The following STX2 variants were observed in gnomAD, a reference collection of about 807,000 sequenced individuals.
STX2 encodes the protein syntaxin 2.
Under a neutral mutation model 40.6 loss-of-function variants are expected in STX2, and 27 were observed. That is an observed-to-expected ratio of 0.66 (90% CI 0.49 to 0.92). The LOEUF (loss-of-function observed/expected upper bound fraction) is 0.92, where lower values mean the gene tolerates loss of function less well. Among genes scored for constraint, STX2 ranks in the 40% least tolerant of loss-of-function variants. STX2 has a pLI of 0.00. For synonymous variants in STX2, 123 were observed against 119.1 expected, an observed-to-expected ratio of 1.03 and a Z score of -0.22; for missense variants, 328 against 366.1, an observed-to-expected ratio of 0.90 and a Z score of 0.85.
At chr12:130,824,602 C>G (rs76340312) in intron 2 of STX2, among the ~76,000 whole-genome samples, 2,195 of 152,126 alleles carry the variant, frequency 0.014, 63 homozygotes, top group African/African-American at 0.05. Context: ...ATTTTATGTC[C>G]GGGAATAACA....
intron 1 of STX2, among the ~76,000 whole-genome samples, chr12:130,828,837 C>T (rs1374148510): frequency 6.9e-6 from 1 of 145,902 alleles, no homozygotes; most frequent in African/African-American, 2.5e-5. Flanking sequence ...CACTGCACTC[C>T]AGCCTGGGTG....
intron 5 of STX2, among the ~76,000 whole-genome samples, chr12:130,807,353 C>T (rs1158721156): frequency 6.6e-6 from 1 of 152,252 alleles, no homozygotes; most frequent in Non-Finnish European, 1.5e-5. Context: ...AGCCCAAGGT[C>T]ACAGGCTTTT....
chr12:130,793,324 C>G (rs1163274472), intron 10 of STX2, among the ~76,000 whole-genome samples: 1 of 152,176 alleles, frequency 6.6e-6, no homozygotes, highest in Non-Finnish European at 1.5e-5. Context: ...ACGCCCCACT[C>G]TCAGCACCTT....
At chr12:130,833,803 T>G (rs12829600) in intron 1 of STX2, among the ~76,000 whole-genome samples, 1 of 152,210 alleles carries the variant, frequency 6.6e-6, no homozygotes, top group Non-Finnish European at 1.5e-5. Context: ...CAGATTCCAG[T>G]GGCATCTACA....
chr12:130,797,568 T>C (rs994451195), intron 9 of STX2, among the ~76,000 whole-genome samples: 2 of 151,948 alleles, frequency 1.3e-5, no homozygotes, highest in African/African-American at 4.8e-5. Flanking sequence ...CGCCTGGAGG[T>C]GCATCCACAC....
chr12:130,829,186 C>T (rs888454660), intron 1 of STX2, among the ~76,000 whole-genome samples: 2 of 152,182 alleles, frequency 1.3e-5, no homozygotes, highest in African/African-American at 2.4e-5. Context: ...CGGTGCCGAA[C>T]CAGTAGCTGA....
intron 3 of STX2, among the ~76,000 whole-genome samples, chr12:130,816,668 G>A (rs974579206): frequency 6.6e-5 from 10 of 152,014 alleles, no homozygotes; most frequent in East Asian, 3.9e-4. Flanking sequence ...AACAAGGTGC[G>A]AAAATAAATA....
In STX2 at chr12:130,811,659, C is replaced by T. The variant is rs1048907492; in HGVS notation, c.280+1298G>A. Among the ~76,000 whole-genome samples, 16 of 150,668 alleles carry T rather than the reference C, an allele frequency of 1.1e-4. 1 individual carries two copies. The highest frequency in any genetic ancestry group is 3.9e-4 in the African/African-American group (16 of 40,958). ...GGTTCACGCCATTCTCCTGCCTCAG[C>T]CTCCTGAGTAGCTGGGACTACAGGC... On this transcript the variant is annotated intron_variant, in intron 4 of 10. Transcript: ENST00000392373.
At chr12:130,792,595 C>G (rs994282006) in intron 10 of STX2, among the ~76,000 whole-genome samples, 22 of 152,168 alleles carry the variant, frequency 1.4e-4, no homozygotes, top group African/African-American at 5.1e-4. Context: ...TCCCAAGGAG[C>G]TAGGATGACA....
At chr12:130,834,123 C>T (rs1284620269) in intron 1 of STX2, among the ~76,000 whole-genome samples, 1 of 152,088 alleles carries the variant, frequency 6.6e-6, no homozygotes, top group Non-Finnish European at 1.5e-5. Context: ...GTGGCTCACG[C>T]CTGTAATCCC....
In STX2 at chr12:130,801,143, C is replaced by G. The variant is rs756060544; in HGVS notation, c.675+10G>C. On this transcript the variant is annotated intron_variant, in intron 8 of 10. Coordinates refer to ENST00000392373, the MANE Select transcript of STX2 (RefSeq NM_194356.4). ...TATCTCTCTTGGAGAATGCAAGAGT[C>G]TGTAACTACCTGAGTCTCCACAAAC... 3.7e-6 allele frequency: 6 copies of G among 1,606,950 alleles called. No homozygotes were observed. The highest frequency in any genetic ancestry group is 5.1e-6 in the Non-Finnish European group (6 of 1,175,092).
Position 130,825,656 on chromosome 12 carries a change from G to A in STX2, c.105+1537C>T, listed in dbSNP as rs1007767635. 2.0e-5 allele frequency among the ~76,000 whole-genome samples: 3 copies of A among 152,184 alleles called. No individual in the cohort carries two copies. In the South Asian group the frequency reaches 6.2e-4, roughly 31 times the overall value. On this transcript the variant is annotated intron_variant, in intron 2 of 10. Transcript: ENST00000392373. The stretch of plus-strand genomic sequence containing the variant: ...AACTAACAAATACTAGAAAACCAGT[G>A]ACTAGGCTTACGTGAGATATTCAAG...
At chr12:130,823,970 T>C (rs944428927) in intron 2 of STX2, among the ~76,000 whole-genome samples, 1 of 152,172 alleles carries the variant, frequency 6.6e-6, no homozygotes, top group Non-Finnish European at 1.5e-5. Context: ...ACAATGAAAA[T>C]GGCAATGATC....
At chr12:130,838,976 T>A (rs1593204296) in intron 1 of STX2, 94 bp downstream of exon 1, 1,411 of 486,974 alleles carry the variant, frequency 2.9e-3, no homozygotes, top group Middle Eastern at 5.3e-3. Context: ...CTGGGGACCC[T>A]CCCGGAGCCC....
At chr12:130,820,105 A>G (rs1359901983) in intron 3 of STX2, among the ~76,000 whole-genome samples, 1 of 152,224 alleles carries the variant, frequency 6.6e-6, no homozygotes, top group African/African-American at 2.4e-5. Context: ...TTCCTCCAAG[A>G]CCAAGAATAC....
At chr12:130,835,264 G>C (rs913734924) in intron 1 of STX2, among the ~76,000 whole-genome samples, 38 of 152,050 alleles carry the variant, frequency 2.5e-4, no homozygotes, top group Non-Finnish European at 7.4e-5. Flanking sequence ...ACTCCAGCCT[G>C]GGCGACACAG....
intron 1 of STX2, among the ~76,000 whole-genome samples, chr12:130,830,629 C>A (rs1308566041): frequency 1.3e-5 from 2 of 152,280 alleles, no homozygotes; most frequent in African/African-American, 4.8e-5. Context: ...AGTCTCAAAA[C>A]TGATTAGATA....
intron 1 of STX2, among the ~76,000 whole-genome samples, chr12:130,836,446 A>C (rs1952759688): frequency 6.6e-6 from 1 of 151,746 alleles, no homozygotes; most frequent in African/African-American, 2.4e-5. Context: ...GAGTTTTTGT[A>C]TGTTTTTTGT....
intron 3 of STX2, among the ~76,000 whole-genome samples, chr12:130,816,014 G>T (rs1204931106): frequency 6.6e-6 from 1 of 152,184 alleles, no homozygotes; most frequent in African/African-American, 2.4e-5. Flanking sequence ...AATAAAGAGG[G>T]TGGCAGGTCC....
Sources: gnomAD v4.1 joint callset for allele counts (sites outside exome capture counted in the v4.1 genomes callset) on GRCh38, gnomAD v4.1.1 for gene constraint, MANE v1.5 for transcripts, NCBI Gene and HGNC (gene_info 2026-07-23, HGNC 2026-07-21) for gene names.